Variants in ARHGEF17 observed in about 807,000 individuals in gnomAD.
ARHGEF17 encodes 164 kDa Rho-specific guanine-nucleotide exchange factor.
ARHGEF17 carries 80 observed loss-of-function variants against 174.0 expected under a neutral mutation model. The observed-to-expected ratio is 0.46, with a 90% CI of 0.38 to 0.55. The LOEUF (loss-of-function observed/expected upper bound fraction) is 0.55. ARHGEF17 is among the 20% of genes least tolerant of loss of function. ARHGEF17 has a pLI of 0.00. For missense variants in ARHGEF17, 2,886 were observed against 2,839.7 expected (o/e 1.02, Z -0.37); for synonymous variants, 1,311 against 1,189.1 (o/e 1.10, Z -2.11).
Position 73,362,519 on chromosome 11 carries a change from A to T in ARHGEF17, c.4781A>T (p.Glu1594Val). 1.3e-5 allele frequency: 21 copies of T among 1,605,124 alleles called. No homozygotes were observed. The highest frequency in any genetic ancestry group is 1.7e-5 in the Non-Finnish European group (20 of 1,178,088). Residue 1594 changes from glutamate (E) to valine (V), a missense_variant, in exon 14 of 21, where the codon GAG (glutamate) becomes GTG (valine). By Grantham distance (121) the Glu-to-Val change is moderately radical. Transcript: ENST00000263674. ...CTGGACGTCGAGGCCGCTGCAGACGAGGAAGCCGCGACGCTCGCGGAGCCG... is the reference window on the plus strand; with the variant it reads ...CTGGACGTCGAGGCCGCTGCAGACGTGGAAGCCGCGACGCTCGCGGAGCCG... ...PELDVEAAAD[E>V]EAATLAEPGP...
At chr11:73,328,116 G>T (rs931585147) in intron 1 of ARHGEF17, among the ~76,000 whole-genome samples, 1 of 152,156 alleles carries the variant, frequency 6.6e-6, no homozygotes, top group African/African-American at 2.4e-5. Flanking sequence ...GGAGGGAAGT[G>T]ACCTAGCTGG....
At chr11:73,313,840 C>T (rs1280243134) in intron 1 of ARHGEF17, among the ~76,000 whole-genome samples, 1 of 152,204 alleles carries the variant, frequency 6.6e-6, no homozygotes, top group Non-Finnish European at 1.5e-5. Flanking sequence ...GGGGTAATGG[C>T]CTCTGCCTGG....
chr11:73,367,647 C>A lies in ARHGEF17; in HGVS notation c.6059C>A (p.Ala2020Asp). 6.2e-7 allele frequency: 1 copy of A among 1,614,042 alleles called. No individual in the cohort carries two copies. Among genetic ancestry groups the A allele is most frequent in the Non-Finnish European group, 8.5e-7 (1 of 1,179,970 alleles). The part of the protein sequence containing the change: ...DSPWHRGPAP[A>D]RPKMLVISGG... ...CCTTGGCACCGAGGCCCCGCCCCTG[C>A]CAGGCCTAAAATGCTGGTTATCAGT... Residue 2020 changes from alanine to aspartate, a missense_variant, in exon 21 of 21, where the codon GCC becomes GAC. This residue lies in a region of ARHGEF17 where 329 missense variants were observed against 435.2 expected (regional missense o/e 0.76). Transcript: ENST00000263674.
chr11:73,353,097 C>A, intron 3 of ARHGEF17, 85 bp downstream of exon 3: 1 of 1,522,292 alleles, frequency 6.6e-7, no homozygotes, highest in Non-Finnish European at 9.0e-7. Context: ...CACCCCCACC[C>A]ATCCCACCTG....
At chr11:73,328,252 G>A (rs1865136156) in intron 1 of ARHGEF17, among the ~76,000 whole-genome samples, 1 of 152,208 alleles carries the variant, frequency 6.6e-6, no homozygotes, top group Non-Finnish European at 1.5e-5. Context: ...ACGGGCAGCT[G>A]TCCAAAGGAA....
At chr11:73,338,929 G>A (rs1370637450) in intron 1 of ARHGEF17, among the ~76,000 whole-genome samples, 1 of 152,162 alleles carries the variant, frequency 6.6e-6, no homozygotes, top group East Asian at 1.9e-4. Context: ...GCCAGGACGT[G>A]TAAAGTGATG....
chr11:73,362,380 CG>C, intron 13 of ARHGEF17, 52 bp from the exon 14 acceptor site: 2 of 1,474,232 alleles, frequency 1.4e-6, no homozygotes, highest in African/African-American at 1.4e-5. Flanking sequence ...TGTCCACCAC[CG>C]GGGCCCCGTC....
intron 1 of ARHGEF17, among the ~76,000 whole-genome samples, chr11:73,322,224 C>G (rs1198099872): frequency 6.6e-6 from 1 of 152,240 alleles, no homozygotes; most frequent in Non-Finnish European, 1.5e-5. Context: ...CTCTGGGTTT[C>G]TTGGTATCCC....
At chr11:73,314,368 C>T (rs966230775) in intron 1 of ARHGEF17, among the ~76,000 whole-genome samples, 2 of 152,166 alleles carry the variant, frequency 1.3e-5, no homozygotes, top group East Asian at 3.9e-4. Flanking sequence ...ACCCTCAGGT[C>T]CACATTCGTG....
intron 1 of ARHGEF17, among the ~76,000 whole-genome samples, chr11:73,333,274 G>A (rs374135861): frequency 1.6e-4 from 24 of 152,172 alleles, no homozygotes; most frequent in African/African-American, 5.6e-4. Flanking sequence ...TGGCGGTGGT[G>A]GCCTTGTCCT....
rs760843345 is a variant in ARHGEF17, at chr11:73,310,531, G to T, written c.1893G>T (p.Arg631=). Residue 631 remains arginine, a synonymous_variant, in exon 1 of 21, where the codon CGG becomes CGT. Transcript: ENST00000263674. ...DWAGDVTRGQ[R]SQEELSGPES... ...CAGGGGATGTGACCCGAGGGCAGCG[G>T]TCCCAGGAGGAGCTCTCAGGCCCTG... The T allele has an allele frequency of 6.2e-7, 1 of 1,614,006 alleles. No individual in the cohort carries two copies. Among genetic ancestry groups the T allele is most frequent in the Non-Finnish European group, 8.5e-7 (1 of 1,180,042 alleles).
Position 73,309,041 on chromosome 11 carries a change from G to A in ARHGEF17, c.403G>A (p.Gly135Ser). The A allele has an allele frequency of 1.4e-6, 2 of 1,445,672 alleles. No homozygotes were observed. The highest frequency in any genetic ancestry group is 1.5e-5 in the African/African-American group (1 of 66,736). The allele number at this position is 1,445,672 out of a possible 1,614,324, so 89.6% of individuals were successfully genotyped here. A position where few individuals can be genotyped will look rare whatever the true frequency, so the allele number is the denominator to read the frequency against. Residue 135 changes from glycine to serine, a missense_variant, in exon 1 of 21, where the codon GGT (glycine) becomes AGT (serine). Transcript: ENST00000263674. Reference sequence around the variant, plus strand: ...CACCGAGATGCGCAAGCTCTTCGGCGGTCCTGGCTCCAGGAGGCCCAGCGC... The same window carrying A: ...CACCGAGATGCGCAAGCTCTTCGGCAGTCCTGGCTCCAGGAGGCCCAGCGC... The part of the protein sequence containing the change: ...SVTEMRKLFG[G>S]PGSRRPSADS...
At position 73,310,481 on chromosome 11, in the gene ARHGEF17, G is replaced by GCC; in HGVS notation, c.1849_1850dup (p.Gly618LeufsTer10). On this transcript the variant is annotated frameshift_variant, in exon 1 of 21. Transcript: ENST00000263674. LOFTEE classifies it high-confidence loss of function. ...TGCCCAACAAGATGATGGAAGCGAT[G>GCC]CCCCCCCTGGAAGCCCTGACTGGGC... 1 of 1,613,938 alleles carries GCC rather than the reference G, an allele frequency of 6.2e-7. No individual in the cohort carries two copies. The highest frequency in any genetic ancestry group is 1.1e-5 in the South Asian group (1 of 91,080).
intron 1 of ARHGEF17, among the ~76,000 whole-genome samples, chr11:73,326,308 G>A (rs1865100852): frequency 6.6e-6 from 1 of 152,214 alleles, no homozygotes; most frequent in Non-Finnish European, 1.5e-5. Flanking sequence ...AGAGGCCTGT[G>A]ATGGAGAAGC....
intron 9 of ARHGEF17, among the ~76,000 whole-genome samples, chr11:73,359,544 G>A (rs976746094): frequency 2.6e-5 from 4 of 152,204 alleles, no homozygotes; most frequent in Non-Finnish European, 4.4e-5. Context: ...CCTGTGTATC[G>A]CAGAGCCAGC....
At position 73,368,761 on chromosome 11, in the gene ARHGEF17, G is replaced by T. The variant is rs1865883758; in HGVS notation, c.*981G>T. ...CGTCTCCACACCCCTTCTGCCAAGG[G>T]AAGCCCCTTCAGGAAGGACCCCCCA... On this transcript the variant is annotated 3_prime_UTR_variant, in exon 21 of 21. Transcript: ENST00000263674. The T allele has an allele frequency of 6.6e-6, 1 of 152,386 alleles. No individual in the cohort carries two copies. Among genetic ancestry groups the T allele is most frequent in the South Asian group, 2.1e-4 (1 of 4,824 alleles). The allele number at this position is 152,386 out of a possible 1,614,324, so 9.4% of individuals were successfully genotyped here.
At chr11:73,363,628 G>T in intron 15 of ARHGEF17, 119 bp from the exon 16 acceptor site, 1 of 1,504,164 alleles carries the variant, frequency 6.6e-7, no homozygotes, top group Non-Finnish European at 9.1e-7. Context: ...TGGGACCTCA[G>T]TACCTTGGGC....
At chr11:73,356,616 C>T in intron 6 of ARHGEF17, 93 bp from the exon 7 acceptor site, 4 of 1,530,026 alleles carry the variant, frequency 2.6e-6, no homozygotes, top group Non-Finnish European at 3.6e-6. Flanking sequence ...TTGGCCTAGC[C>T]CATGGAGTGG....
chr11:73,321,047 G>A (rs1865009544), intron 1 of ARHGEF17, among the ~76,000 whole-genome samples: 1 of 152,202 alleles, frequency 6.6e-6, no homozygotes, highest in Admixed American at 6.5e-5. Context: ...CCTCATGACT[G>A]AGATGCTAAG....
Sources: allele counts gnomAD v4.1 joint callset (sites outside exome capture counted in the v4.1 genomes callset), GRCh38; gene constraint gnomAD v4.1.1; regional missense constraint gnomAD v4.1.1; transcripts MANE v1.5; gene names NCBI Gene and HGNC (gene_info 2026-07-23, HGNC 2026-07-21).